RORA: variants seen among roughly 807,000 people sequenced by gnomAD.
The protein encoded by RORA is RAR related orphan receptor A, also known as nuclear receptor ROR-alpha.
RORA carries 7 observed loss-of-function variants against 69.5 expected under a neutral mutation model. That is an observed-to-expected ratio of 0.10 (90% CI 0.06 to 0.19). The LOEUF (loss-of-function observed/expected upper bound fraction) is 0.19. Ranked by LOEUF, RORA falls within the 10% of genes least tolerant of loss-of-function variation. The probability of loss-of-function intolerance (pLI) is 1.00; values close to 1 mark genes in which losing one functional copy is unlikely to be tolerated. For synonymous variants in RORA, 261 were observed against 240.8 expected (o/e 1.08, Z -0.78); for missense variants, 457 against 663.0 (o/e 0.69, Z 3.41).
chr15:60,516,390 T>G (rs933376612), intron 3 of RORA, among the ~76,000 whole-genome samples: 7 of 146,600 alleles, frequency 4.8e-5, no homozygotes, highest in Admixed American at 2.2e-4. Flanking sequence ...TGATCCACCT[T>G]TTTATCTTTT....
chr15:60,940,639 C>T (rs751602359), intron 1 of RORA, among the ~76,000 whole-genome samples: 2 of 152,130 alleles, frequency 1.3e-5, no homozygotes, highest in African/African-American at 4.8e-5. Context: ...AACTGGATTA[C>T]ATTGTATGTA....
At chr15:60,957,202 AG>A (rs1893293297) in intron 1 of RORA, among the ~76,000 whole-genome samples, 1 of 152,242 alleles carries the variant, frequency 6.6e-6, no homozygotes, top group African/African-American at 2.4e-5. Flanking sequence ...TATGCGTTCA[AG>A]TAAGGTATTA....
rs183792357 is a variant in RORA at position 60,985,550 on chromosome 15, A to C, written c.166+243503T>G. Among the ~76,000 whole-genome samples the C allele has an allele frequency of 1.7e-3, 252 of 149,108 alleles. 1 individual carries two copies. The highest frequency in any genetic ancestry group is 5.7e-3 in the African/African-American group (229 of 40,388). On this transcript the variant is annotated intron_variant, in intron 1 of 10. Transcript: ENST00000335670. Reference sequence around the variant, plus strand: ...GGTATATTTTTCTCACATACGAAAAATTAATCTTGTGCTAGGTAAGAAACT... The same window carrying C: ...GGTATATTTTTCTCACATACGAAAACTTAATCTTGTGCTAGGTAAGAAACT...
At chr15:61,048,989 T>G (rs1321299129) in intron 1 of RORA, among the ~76,000 whole-genome samples, 3 of 152,194 alleles carry the variant, frequency 2.0e-5, no homozygotes, top group South Asian at 4.1e-4. Flanking sequence ...GAATCCTTAC[T>G]TTAAAAACTG....
chr15:61,041,037 A>T (rs1001332630), intron 1 of RORA: 10 of 152,240 alleles, frequency 6.6e-5, no homozygotes, highest in African/African-American at 2.2e-4. Flanking sequence ...AATAACTCAT[A>T]GACATTGGGT....
intron 1 of RORA, among the ~76,000 whole-genome samples, chr15:61,164,727 A>G (rs2079526312): frequency 6.6e-6 from 1 of 152,174 alleles, no homozygotes; most frequent in Non-Finnish European, 1.5e-5. Flanking sequence ...GTTCTGTACC[A>G]GATCTGCAGA....
chr15:60,702,432 G>A (rs1427904584), intron 1 of RORA, among the ~76,000 whole-genome samples: 3 of 151,810 alleles, frequency 2.0e-5, no homozygotes, highest in Admixed American at 1.3e-4. Context: ...GGGTTTTGCC[G>A]TGTTGGCCAG....
chr15:60,984,948 A>G (rs1387927129), intron 1 of RORA, among the ~76,000 whole-genome samples: 2 of 152,130 alleles, frequency 1.3e-5, no homozygotes, highest in East Asian at 1.9e-4. Flanking sequence ...TAGAAGATCT[A>G]TGCTGTTTGG....
chr15:60,908,339 C>T (rs1275590016), intron 1 of RORA, among the ~76,000 whole-genome samples: 3 of 152,058 alleles, frequency 2.0e-5, no homozygotes, highest in Non-Finnish European at 4.4e-5. Context: ...CTGAGAGAAA[C>T]AAAAAATACT....
intron 1 of RORA, among the ~76,000 whole-genome samples, chr15:60,706,774 C>T (rs183493713): frequency 2.6e-5 from 4 of 152,224 alleles, no homozygotes; most frequent in East Asian, 1.9e-4. Context: ...AAATAAAAGC[C>T]GAAGTAGCAC....
At chr15:60,696,263 C>T (rs965435134) in intron 1 of RORA, among the ~76,000 whole-genome samples, 1 of 152,068 alleles carries the variant, frequency 6.6e-6, no homozygotes, top group Admixed American at 6.6e-5. Context: ...GCCACGGAGC[C>T]GAGTAAAATA....
chr15:61,133,544 G>T (rs1028028519), intron 1 of RORA, among the ~76,000 whole-genome samples: 1 of 152,146 alleles, frequency 6.6e-6, no homozygotes, highest in Admixed American at 6.5e-5. Context: ...AATGAGGTCC[G>T]CTGACTCTAA....
chr15:60,930,945 C>T (rs1432235536), intron 1 of RORA, among the ~76,000 whole-genome samples: 1 of 152,152 alleles, frequency 6.6e-6, no homozygotes, highest in East Asian at 1.9e-4. Context: ...ATAAAAGTGG[C>T]CCTTGAAAAA....
intron 1 of RORA, among the ~76,000 whole-genome samples, chr15:60,702,003 G>C (rs2070988670): frequency 6.6e-6 from 1 of 152,180 alleles, no homozygotes; most frequent in Admixed American, 6.5e-5. Flanking sequence ...CTAAAAGGCA[G>C]TTTTCACAAA....
chr15:60,781,550 G>A (rs1263279409), intron 1 of RORA, among the ~76,000 whole-genome samples: 1 of 152,074 alleles, frequency 6.6e-6, no homozygotes, highest in Non-Finnish European at 1.5e-5. Context: ...TCCCCTAACC[G>A]TGCTGCTCCA....
intron 1 of RORA, among the ~76,000 whole-genome samples, chr15:60,949,766 C>T (rs965123772): frequency 6.6e-5 from 10 of 152,236 alleles, no homozygotes; most frequent in African/African-American, 2.4e-4. Context: ...CTCCTTATAT[C>T]TTTATCTGCA....
At position 60,556,308 on chromosome 15, in the gene RORA, A is replaced by T. The variant is rs572697920; in HGVS notation, c.197-24457T>A. Among the ~76,000 whole-genome samples the T allele has an allele frequency of 3.3e-5, 5 of 152,270 alleles. No homozygotes were observed. The East Asian group carries it at 9.6e-4, about 29-fold the overall frequency. ...ATCGCCAAGTGAAAATACATTCTAA[A>T]TCTACCCTCAAAATTGAGGGTGCTG... On this transcript the variant is annotated intron_variant, in intron 2 of 10. Transcript: ENST00000335670.
intron 1 of RORA, among the ~76,000 whole-genome samples, chr15:60,941,932 T>C (rs966035242): frequency 1.3e-5 from 2 of 152,190 alleles, no homozygotes; most frequent in Admixed American, 6.5e-5. Context: ...TTTAGGAAGA[T>C]AATTGTTGAT....
intron 1 of RORA, chr15:61,176,583 G>A (rs1037475271): frequency 6.6e-6 from 1 of 152,032 alleles, no homozygotes; most frequent in African/African-American, 2.4e-5. Context: ...AAATGCTTGG[G>A]GATTACAGGC....
Sources: allele counts gnomAD v4.1 joint callset (sites outside exome capture counted in the v4.1 genomes callset), GRCh38; gene constraint gnomAD v4.1.1; transcripts MANE v1.5; gene names NCBI Gene and HGNC (gene_info 2026-07-23, HGNC 2026-07-21).